IFT43: variants seen among roughly 807,000 people sequenced by gnomAD.
IFT43 encodes intraflagellar transport 43.
IFT43 carries 33 observed loss-of-function variants against 32.3 expected under a neutral mutation model. The observed-to-expected ratio is 1.02, with a 90% CI of 0.77 to 1.37. IFT43 has a LOEUF of 1.37. Ranked by LOEUF, IFT43 falls within the 40% of genes most tolerant of loss-of-function variation. The pLI is 0.00. For synonymous variants in IFT43, 93 were observed against 98.2 expected (o/e 0.95, Z 0.31); for missense variants, 274 against 265.9 (o/e 1.03, Z -0.21).
chr14:76,039,766 C>A (rs940162677), intron 3 of IFT43, among the ~76,000 whole-genome samples: 1 of 152,180 alleles, frequency 6.6e-6, no homozygotes, highest in African/African-American at 2.4e-5. Context: ...CACCCAGTTT[C>A]CTCTCCTGGA....
intron 2 of IFT43, among the ~76,000 whole-genome samples, chr14:75,992,453 C>T (rs1457668057): frequency 6.6e-6 from 1 of 152,186 alleles, no homozygotes; most frequent in East Asian, 1.9e-4. Flanking sequence ...GCATGCCAGC[C>T]AGAGTCTCTT....
At chr14:76,005,100 A>T (rs1031035258) in intron 2 of IFT43, among the ~76,000 whole-genome samples, 2 of 152,070 alleles carry the variant, frequency 1.3e-5, no homozygotes, top group Non-Finnish European at 2.9e-5. Context: ...TTTTCTTCTG[A>T]CTATAGATCA....
At chr14:76,026,705 C>G (rs1355785738) in intron 3 of IFT43, among the ~76,000 whole-genome samples, 1 of 152,126 alleles carries the variant, frequency 6.6e-6, no homozygotes, top group East Asian at 1.9e-4. Context: ...GACAGAAATA[C>G]CATTTCACCC....
At chr14:76,030,811 A>G (rs1385824762) in intron 3 of IFT43, among the ~76,000 whole-genome samples, 1 of 152,020 alleles carries the variant, frequency 6.6e-6, no homozygotes, top group East Asian at 1.9e-4. Context: ...AGGTTTTTAA[A>G]AATCCTTTTT....
intron 5 of IFT43, among the ~76,000 whole-genome samples, chr14:76,072,398 A>G (rs1370180736): frequency 6.6e-6 from 1 of 152,302 alleles, no homozygotes; most frequent in Non-Finnish European, 1.5e-5. Flanking sequence ...GGGCTAGGCC[A>G]GAGTCCCTAA....
chr14:76,052,348 T>C (rs1318720669), intron 3 of IFT43, among the ~76,000 whole-genome samples: 1 of 152,194 alleles, frequency 6.6e-6, no homozygotes, highest in Non-Finnish European at 1.5e-5. Context: ...CCTTTTACCC[T>C]TCAGCACATA....
chr14:76,080,738 A>G (rs2037495343), intron 5 of IFT43, among the ~76,000 whole-genome samples: 1 of 152,158 alleles, frequency 6.6e-6, no homozygotes, highest in African/African-American at 2.4e-5. Context: ...TGCACAATGG[A>G]CTGTATTAAT....
chr14:76,074,022 G>T (rs2037369941), intron 5 of IFT43, among the ~76,000 whole-genome samples: 1 of 152,158 alleles, frequency 6.6e-6, no homozygotes, highest in Admixed American at 6.5e-5. Context: ...GTATGTGGGG[G>T]TGTCACGGGT....
rs1204068510 is a variant in IFT43, at chr14:76,032,198, A to G, written c.215+9804A>G. Among the ~76,000 whole-genome samples the G allele has an allele frequency of 5.3e-5, 8 of 152,286 alleles. No individual in the cohort carries two copies. The East Asian group carries it at 1.5e-3, about 29-fold the overall frequency. On this transcript the variant is annotated intron_variant, in intron 3 of 8. Transcript: ENST00000314067. ...TTTATATCACCCTATTCAGTCTGCC[A>G]GCAAACCCTGTTAGGTCTACTGTTG...
intron 5 of IFT43, among the ~76,000 whole-genome samples, chr14:76,071,983 C>T (rs1383026851): frequency 3.3e-5 from 5 of 152,092 alleles, no homozygotes; most frequent in African/African-American, 1.2e-4. Flanking sequence ...TGTTGCATAT[C>T]GGCTCCCCCA....
chr14:76,007,456 A>G (rs562602123), intron 2 of IFT43, among the ~76,000 whole-genome samples: 3 of 152,310 alleles, frequency 2.0e-5, no homozygotes, highest in Admixed American at 2.0e-4. Context: ...GTGAGAGATC[A>G]GGTTTCCTAA....
chr14:76,073,318 A>C (rs1227306216), intron 5 of IFT43, among the ~76,000 whole-genome samples: 1 of 152,170 alleles, frequency 6.6e-6, no homozygotes. Context: ...AGGGACAGGC[A>C]TGTTTGTGCA....
intron 2 of IFT43, among the ~76,000 whole-genome samples, chr14:76,002,030 C>A (rs1410120590): frequency 6.6e-6 from 1 of 152,144 alleles, no homozygotes; most frequent in Non-Finnish European, 1.5e-5. Flanking sequence ...GGCGGATCAC[C>A]TGAGGTCAGG....
At chr14:76,077,521 GT>G (rs1293380222) in intron 5 of IFT43, among the ~76,000 whole-genome samples, 2 of 152,142 alleles carry the variant, frequency 1.3e-5, no homozygotes, top group Non-Finnish European at 2.9e-5. Flanking sequence ...TGGCATTGCT[GT>G]CAGCTAGTTC....
At chr14:76,066,048 G>A (rs1321401460) in intron 5 of IFT43, among the ~76,000 whole-genome samples, 2 of 152,192 alleles carry the variant, frequency 1.3e-5, no homozygotes, top group African/African-American at 4.8e-5. Context: ...TTAGCCTCCA[G>A]GCTCTAACAA....
chr14:76,049,061 A>G (rs2036863050), intron 3 of IFT43, among the ~76,000 whole-genome samples: 1 of 152,192 alleles, frequency 6.6e-6, no homozygotes, highest in Non-Finnish European at 1.5e-5. Flanking sequence ...TAGAGCAGAA[A>G]CTTCTGTACA....
chr14:76,059,768 A>G (rs1253757923), intron 5 of IFT43, among the ~76,000 whole-genome samples: 1 of 152,208 alleles, frequency 6.6e-6, no homozygotes, highest in Admixed American at 6.5e-5. Flanking sequence ...TCCAGTTTAC[A>G]CATGTTAAAG....
At chr14:76,050,078 G>A (rs10142548) in intron 3 of IFT43, among the ~76,000 whole-genome samples, 127,580 of 152,132 alleles carry the variant, frequency 0.84, 53,613 homozygotes, top group Non-Finnish European at 0.87. Flanking sequence ...ACCTCTGTTC[G>A]AGTGGTTTCC....
chr14:75,990,206 C>G (rs753765920), intron 2 of IFT43, among the ~76,000 whole-genome samples: 1 of 152,168 alleles, frequency 6.6e-6, no homozygotes, highest in Non-Finnish European at 1.5e-5. Flanking sequence ...AATACAGGCC[C>G]AGTATTGCCA....
Sources: allele counts gnomAD v4.1 joint callset (sites outside exome capture counted in the v4.1 genomes callset), GRCh38; gene constraint gnomAD v4.1.1; transcripts MANE v1.5; gene names NCBI Gene and HGNC (gene_info 2026-07-23, HGNC 2026-07-21).